APOOL: variants seen among roughly 807,000 people sequenced by gnomAD.
The protein encoded by APOOL is apolipoprotein O like.
In APOOL, 12 loss-of-function variants were observed where a neutral mutation model predicts 23.1. The observed-to-expected ratio is 0.52, with a 90% CI of 0.33 to 0.84. The LOEUF (loss-of-function observed/expected upper bound fraction) is 0.84. APOOL is among the 40% of genes least tolerant of loss of function. APOOL has a pLI of 0.02. For synonymous variants in APOOL, 77 were observed against 69.9 expected (o/e 1.10, Z -0.51); for missense variants, 212 against 199.6 (o/e 1.06, Z -0.37).
chrX:85,052,716 C>T (rs1464424368), intron 3 of APOOL, among the ~76,000 whole-genome samples: 1 of 111,565 alleles, frequency 9.0e-6, no homozygotes, highest in Non-Finnish European at 1.9e-5. Flanking sequence ...TTGTACTACA[C>T]ACTATTAATA....
chrX:85,007,837 A>C (rs755961527), intron 1 of APOOL, among the ~76,000 whole-genome samples: 1 of 112,213 alleles, frequency 8.9e-6, no homozygotes, highest in East Asian at 2.8e-4. Context: ...TGATTTATTG[A>C]GGACTTACTG....
At chrX:85,022,461 A>G (rs1344680644) in intron 1 of APOOL, among the ~76,000 whole-genome samples, 2 of 112,223 alleles carry the variant, frequency 1.8e-5, no homozygotes, top group African/African-American at 6.5e-5. Flanking sequence ...GACATATGAC[A>G]TTAACAAAAG....
intron 3 of APOOL, among the ~76,000 whole-genome samples, chrX:85,051,719 G>T (rs748993912): frequency 3.3e-4 from 37 of 111,861 alleles, no homozygotes; most frequent in Non-Finnish European, 5.5e-4. Context: ...TGGCCCAGTG[G>T]GGTTCATCTG....
At chrX:85,014,234 C>A (rs758186453) in intron 1 of APOOL, among the ~76,000 whole-genome samples, 16 of 111,332 alleles carry the variant, frequency 1.4e-4, no homozygotes, top group African/African-American at 4.9e-4. Flanking sequence ...AAGTGAGTCT[C>A]AGCAATTACT....
chrX:85,026,042 C>T (rs1373527376), intron 1 of APOOL, among the ~76,000 whole-genome samples: 3 of 113,413 alleles, frequency 2.6e-5, no homozygotes, highest in African/African-American at 9.6e-5. Flanking sequence ...AGGCTCCTGC[C>T]TCAGTACAGA....
chrX:85,078,606 G>GT lies in APOOL; in HGVS notation c.718+4222dup, dbSNP rs1923954409. The stretch of plus-strand genomic sequence containing the variant: ...TTGGTTCCATATGAACTTTAAAGTA[G>GT]TTTTTTTCCAATTCTGTGAAGAAAG... On this transcript the variant is annotated intron_variant, in intron 8 of 8. Coordinates refer to ENST00000373173, the MANE Select transcript of APOOL (RefSeq NM_198450.6). 6.3e-5 allele frequency among the ~76,000 whole-genome samples: 7 copies of GT among 111,111 alleles called. No homozygotes were observed. The South Asian group carries it at 2.3e-3, about 36-fold the overall frequency.
intron 1 of APOOL, among the ~76,000 whole-genome samples, chrX:85,013,013 G>A (rs1454830661): frequency 1.8e-5 from 2 of 110,861 alleles, no homozygotes; most frequent in South Asian, 3.7e-4. Flanking sequence ...TTACTGTTTC[G>A]ATTTCGCTAT....
At chrX:85,010,769 A>G (rs1921250069) in intron 1 of APOOL, among the ~76,000 whole-genome samples, 1 of 112,089 alleles carries the variant, frequency 8.9e-6, no homozygotes, top group African/African-American at 3.2e-5. Context: ...TGGGTTGGTT[A>G]CATATTTTCA....
In APOOL at chrX:85,091,845, A is replaced by C; in HGVS notation, c.*4167A>C. 1 of 111,448 alleles carries C rather than the reference A, an allele frequency of 9.0e-6. No individual in the cohort carries two copies. The highest frequency in any genetic ancestry group is 1.9e-5 in the Non-Finnish European group (1 of 53,138). The allele number at this position is 111,448 out of a possible 1,213,427, so 9.2% of individuals were successfully genotyped here. ...TTTGAAATGAATTTTTTTAAACCTC[A>C]GATCTGAATATATTCAAACACCCAT... On this transcript the variant is annotated 3_prime_UTR_variant, in exon 9 of 9. Transcript: ENST00000373173.
At chrX:85,086,146 A>G (rs757402900) in intron 8 of APOOL, among the ~76,000 whole-genome samples, 17 of 111,793 alleles carry the variant, frequency 1.5e-4, no homozygotes, top group Non-Finnish European at 3.2e-4. Flanking sequence ...TTGATTCTCA[A>G]TCTCCATCTT....
At chrX:85,067,926 G>A (rs1036747448) in intron 6 of APOOL, among the ~76,000 whole-genome samples, 14 of 110,693 alleles carry the variant, frequency 1.3e-4, no homozygotes, top group Non-Finnish European at 5.7e-5. Context: ...GAAACAATGT[G>A]TAGTGTTACC....
chrX:85,005,293 G>A (rs928338412), intron 1 of APOOL, among the ~76,000 whole-genome samples: 1 of 107,207 alleles, frequency 9.3e-6, no homozygotes, highest in Non-Finnish European at 1.9e-5. Flanking sequence ...ACAGGCGCAT[G>A]CCAACCATGC....
intron 1 of APOOL, among the ~76,000 whole-genome samples, chrX:85,038,003 C>T (rs1922273492): frequency 8.9e-6 from 1 of 111,869 alleles, no homozygotes; most frequent in South Asian, 3.7e-4. Flanking sequence ...TAAAAAGCTT[C>T]TGCACAGCAA....
intron 3 of APOOL, 33 bp from the exon 4 acceptor site, chrX:85,054,311 G>A (rs1922879888): frequency 1.7e-6 from 2 of 1,148,932 alleles, no homozygotes; most frequent in African/African-American, 1.8e-5. Flanking sequence ...CTTCAAAAAT[G>A]CAGATGTCTT....
chrX:85,069,610 TAAAA>T (rs774325087), intron 6 of APOOL, among the ~76,000 whole-genome samples: 1 of 40,975 alleles, frequency 2.4e-5, no homozygotes, highest in Non-Finnish European at 4.2e-5. Flanking sequence ...ACGCCATCTC[TAAAA>T]AAAAAAAAAA....
At chrX:85,053,452 A>T (rs2147648276) in intron 3 of APOOL, among the ~76,000 whole-genome samples, 1 of 111,728 alleles carries the variant, frequency 9.0e-6, no homozygotes, top group Admixed American at 9.6e-5. Flanking sequence ...TCTCTATAAC[A>T]AAAACTTATT....
At chrX:85,085,032 T>G (rs1023191357) in intron 8 of APOOL, among the ~76,000 whole-genome samples, 2 of 111,753 alleles carry the variant, frequency 1.8e-5, no homozygotes, top group Non-Finnish European at 3.8e-5. Context: ...CTAACCATTT[T>G]TTGTGCTACA....
intron 8 of APOOL, among the ~76,000 whole-genome samples, chrX:85,077,968 C>A (rs1183278616): frequency 9.0e-6 from 1 of 111,239 alleles, no homozygotes; most frequent in Non-Finnish European, 1.9e-5. Context: ...TGTTTAAGTT[C>A]TTTGTAGATT....
rs766497759 is a variant in APOOL, at chrX:85,088,316, G to GTTTTTTTTTTTTTTTTTTTTTTTTTTTT, written c.*640_*667dup. ...TGTATGGAAAGGTGTGTTTCCCTCT[G>GTTTTTTTTTTTTTTTTTTTTTTTTTTTT]TTTTTTTTTTTTTTTTTTTTTTTTT... On this transcript the variant is annotated 3_prime_UTR_variant, in exon 9 of 9. Coordinates refer to ENST00000373173, the MANE Select transcript of APOOL (RefSeq NM_198450.6). 1 of 22,533 alleles carries GTTTTTTTTTTTTTTTTTTTTTTTTTTTT rather than the reference G, an allele frequency of 4.4e-5. No individual in the cohort carries two copies. Among genetic ancestry groups the GTTTTTTTTTTTTTTTTTTTTTTTTTTTT allele is most frequent in the Non-Finnish European group, 7.9e-5 (1 of 12,648 alleles). 1.9% of individuals were successfully genotyped at this position (22,533 alleles called of 1,213,427 possible).
Sources: allele counts gnomAD v4.1 joint callset (sites outside exome capture counted in the v4.1 genomes callset), GRCh38; gene constraint gnomAD v4.1.1; transcripts MANE v1.5; gene names NCBI Gene and HGNC (gene_info 2026-07-23, HGNC 2026-07-21).